Variants in TMOD1 observed in about 807,000 individuals in gnomAD.
TMOD1 encodes tropomodulin 1, also known as tropomodulin-1.
In TMOD1, 17 loss-of-function variants were observed where a neutral mutation model predicts 40.6. The ratio of observed to expected loss-of-function variants is 0.42; its 90% confidence interval spans 0.29 to 0.63. The LOEUF (loss-of-function observed/expected upper bound fraction) is 0.63, where lower values mean the gene tolerates loss of function less well. Among genes scored for constraint, TMOD1 ranks in the 20% least tolerant of loss-of-function variants. TMOD1 has a pLI of 0.22. For synonymous variants in TMOD1, 181 were observed against 175.0 expected (o/e 1.03, Z -0.27); for missense variants, 391 against 447.6 (o/e 0.87, Z 1.14).
At chr9:97,579,256 A>C (rs1018681658) in intron 8 of TMOD1, among the ~76,000 whole-genome samples, 2 of 152,086 alleles carry the variant, frequency 1.3e-5, no homozygotes, top group Non-Finnish European at 2.9e-5. Context: ...CGTCGCCTCT[A>C]TCCCTCCCAA....
Position 97,557,646 on chromosome 9 carries a change from C to T in TMOD1, c.397+4246C>T, listed in dbSNP as rs1830556187. On this transcript the variant is annotated intron_variant, in intron 4 of 9. Coordinates refer to ENST00000259365, the MANE Select transcript of TMOD1 (RefSeq NM_003275.4). This position sits in a 1 kb window ranked among gnomAD's most constrained non-coding sequence, Gnocchi z 4.4. ...CCTGGGCTGGAGCCAGTTTCTCCCA[C>T]CTGTCCCTGGGATGCAGGAGAACAT... 6.6e-6 allele frequency among the ~76,000 whole-genome samples: 1 copy of T among 152,226 alleles called. No homozygotes were observed. Among genetic ancestry groups the T allele is most frequent in the Non-Finnish European group, 1.5e-5 (1 of 68,038 alleles).
intron 1 of TMOD1, among the ~76,000 whole-genome samples, chr9:97,506,794 G>C (rs772964876): frequency 2.0e-5 from 3 of 152,188 alleles, no homozygotes; most frequent in Non-Finnish European, 4.4e-5. Context: ...GAGTCTTCTT[G>C]TTTTATATCC....
In TMOD1 at chr9:97,591,286, T is replaced by C. The variant is rs1433061954; in HGVS notation, c.871-5T>C. 1 of 1,612,472 alleles carries C rather than the reference T, an allele frequency of 6.2e-7. No individual in the cohort carries two copies. The highest frequency in any genetic ancestry group is 1.1e-5 in the South Asian group (1 of 90,762). Reference sequence around the variant, plus strand: ...TTTTTATTTTTTATTTTTTCTTGACTAAAGAGCCAGCCCCTGGGCAACAAA... The same window carrying C: ...TTTTTATTTTTTATTTTTTCTTGACCAAAGAGCCAGCCCCTGGGCAACAAA... On this transcript the variant is annotated splice_polypyrimidine_tract_variant and splice_region_variant and intron_variant, in intron 8 of 9. Transcript: ENST00000259365.
At chr9:97,505,595 A>G (rs1319369325) in intron 1 of TMOD1, among the ~76,000 whole-genome samples, 1 of 151,870 alleles carries the variant, frequency 6.6e-6, no homozygotes, top group East Asian at 1.9e-4. Flanking sequence ...TCCTACCCCT[A>G]TTCTCTTTCC....
intron 1 of TMOD1, among the ~76,000 whole-genome samples, chr9:97,503,009 T>A (rs770255695): frequency 2.0e-5 from 3 of 151,970 alleles, no homozygotes; most frequent in Non-Finnish European, 4.4e-5. Context: ...GCCCTCAGAC[T>A]CTCGGAGACG....
At chr9:97,531,796 T>C (rs1830106849) in intron 2 of TMOD1, among the ~76,000 whole-genome samples, 1 of 152,038 alleles carries the variant, frequency 6.6e-6, no homozygotes, top group Non-Finnish European at 1.5e-5. Flanking sequence ...ACACTTGGTG[T>C]TTTATGTATT....
intron 1 of TMOD1, among the ~76,000 whole-genome samples, chr9:97,503,077 T>C (rs573129694): frequency 1.3e-4 from 20 of 152,326 alleles, no homozygotes; most frequent in Non-Finnish European, 2.6e-4. Flanking sequence ...ACCCAGGTGC[T>C]GGGCCCTCAG....
At chr9:97,560,638 G>T (rs991531472) in intron 4 of TMOD1, among the ~76,000 whole-genome samples, 1 of 146,972 alleles carries the variant, frequency 6.8e-6, no homozygotes, top group African/African-American at 2.5e-5. Flanking sequence ...AAAATTAGCC[G>T]GACGACAAAA....
At position 97,513,246 on chromosome 9, in the gene TMOD1, G is replaced by C. The variant is rs1005394610; in HGVS notation, c.-48-10895G>C. 6.6e-6 allele frequency: 1 copy of C among 152,204 alleles called. No individual in the cohort carries two copies. The allele number at this position is 152,204 out of a possible 1,614,324, so 9.4% of individuals were successfully genotyped here. On this transcript the variant is annotated intron_variant, in intron 1 of 9. Coordinates refer to ENST00000259365, the MANE Select transcript of TMOD1 (RefSeq NM_003275.4). This position sits in a 1 kb window ranked among gnomAD's most constrained non-coding sequence, Gnocchi z 4.1. ...AGGAAGGTGAAGGAAACCGGTTATC[G>C]AGCTGTATCATCCCTTCTCTCATGT...
At chr9:97,551,978 AT>A (rs1830460854) in intron 3 of TMOD1, among the ~76,000 whole-genome samples, 1 of 151,974 alleles carries the variant, frequency 6.6e-6, no homozygotes, top group Non-Finnish European at 1.5e-5. Context: ...TCCTTTTCAA[AT>A]TTTTCATTGC....
intron 2 of TMOD1, among the ~76,000 whole-genome samples, chr9:97,534,665 A>C (rs1830152071): frequency 6.6e-6 from 1 of 152,218 alleles, no homozygotes; most frequent in African/African-American, 2.4e-5. Context: ...CTTAGCACTC[A>C]TGGCTTGGTG....
chr9:97,561,335 G>T (rs193296572), intron 4 of TMOD1, among the ~76,000 whole-genome samples: 1 of 152,182 alleles, frequency 6.6e-6, no homozygotes. Flanking sequence ...ACTCCAGAGG[G>T]TTATTGGGCA....
At chr9:97,573,423 G>A (rs964113973) in intron 8 of TMOD1, among the ~76,000 whole-genome samples, 1 of 152,238 alleles carries the variant, frequency 6.6e-6, no homozygotes, top group African/African-American at 2.4e-5. Context: ...GGATTGTGCT[G>A]TCTTGTTTTC....
intron 8 of TMOD1, among the ~76,000 whole-genome samples, chr9:97,574,261 G>C (rs1830875754): frequency 6.6e-6 from 1 of 151,968 alleles, no homozygotes; most frequent in East Asian, 1.9e-4. Flanking sequence ...CGGCGCTTGC[G>C]GGCCAGCGCG....
chr9:97,524,822 T>C (rs576056319), intron 2 of TMOD1, among the ~76,000 whole-genome samples: 8 of 151,916 alleles, frequency 5.3e-5, no homozygotes, highest in Middle Eastern at 3.4e-3. Flanking sequence ...CAGCTTTTTT[T>C]CCCTACTCAG....
intron 9 of TMOD1, among the ~76,000 whole-genome samples, chr9:97,597,601 G>A (rs939652307): frequency 1.4e-5 from 2 of 146,926 alleles, no homozygotes; most frequent in Non-Finnish European, 3.0e-5. Context: ...GGGAGGCTGA[G>A]GCAGGACAAT....
intron 1 of TMOD1, among the ~76,000 whole-genome samples, chr9:97,520,501 T>C (rs1249199656): frequency 6.6e-6 from 1 of 152,220 alleles, no homozygotes; most frequent in East Asian, 1.9e-4. Flanking sequence ...AGAATACTGC[T>C]TCGTAGCAAC....
intron 2 of TMOD1, among the ~76,000 whole-genome samples, 173 bp downstream of exon 2, chr9:97,524,481 AAGAG>A (rs1026429656): frequency 1.4e-5 from 2 of 142,882 alleles, no homozygotes; most frequent in African/African-American, 5.3e-5. Flanking sequence ...TCTCCAGAGA[AAGAG>A]AGAACCAATA....
chr9:97,509,471 G>T lies in TMOD1; in HGVS notation c.-49+7668G>T, dbSNP rs79927142. Among the ~76,000 whole-genome samples the T allele has an allele frequency of 7.1e-3, 1,075 of 151,266 alleles. 40 individuals carry two copies. The East Asian group carries it at 0.099, about 14-fold the overall frequency. On this transcript the variant is annotated intron_variant, in intron 1 of 9. Transcript: ENST00000259365. ...TTATTGAATTTTTATGCCGTTTTGG[G>T]GGTTTTGGGTTTTTCTTCGCTAATA...
Sources: allele counts gnomAD v4.1 joint callset (sites outside exome capture counted in the v4.1 genomes callset), GRCh38; gene constraint gnomAD v4.1.1; non-coding constraint Gnocchi (gnomAD v3.1); transcripts MANE v1.5; gene names NCBI Gene and HGNC (gene_info 2026-07-23, HGNC 2026-07-21).